DLGAP2: variants seen among roughly 807,000 people sequenced by gnomAD.
DLGAP2 encodes disks large-associated protein 2.
A neutral mutation model predicts 100.3 loss-of-function variants in DLGAP2; 26 were observed. The ratio of observed to expected loss-of-function variants is 0.26; its 90% CI spans 0.19 to 0.36. DLGAP2 has a LOEUF of 0.36. Among genes scored for constraint, DLGAP2 ranks in the 10% least tolerant of loss-of-function variants. The probability of loss-of-function intolerance (pLI) is 1.00; values close to 1 mark genes in which losing one functional copy is unlikely to be tolerated. For synonymous variants in DLGAP2, 886 were observed against 630.1 expected (o/e 1.41, Z -6.08); for missense variants, 1,858 against 1,453.2 (o/e 1.28, Z -4.53).
intron 2 of DLGAP2, among the ~76,000 whole-genome samples, chr8:968,518 G>A (rs150173206): frequency 4.5e-4 from 69 of 152,282 alleles, no homozygotes; most frequent in African/African-American, 1.5e-3. Flanking sequence ...ACTAGAAGAC[G>A]GGGCTCCCTG....
intron 3 of DLGAP2, among the ~76,000 whole-genome samples, chr8:1,430,027 T>TATATAC (rs1282725274): frequency 3.0e-4 from 23 of 76,884 alleles, no homozygotes; most frequent in African/African-American, 6.0e-4. Flanking sequence ...TATATATATA[T>TATATAC]ACACACACAC....
rs564654871 is a variant in DLGAP2 at position 1,688,130 on chromosome 8, C to G, written c.2705-3405C>G. 104 of 152,272 alleles carry G rather than the reference C, an allele frequency of 6.8e-4. 1 individual carries two copies. Among genetic ancestry groups the G allele is most frequent in the African/African-American group, 2.4e-3 (98 of 41,528 alleles). 9.4% of individuals were successfully genotyped at this position (152,272 alleles called of 1,614,324 possible). ...CTGCTTCTCGACCGACTGCAGCGGC[C>G]CCTCCACTCCCCTCACCCCCAGACT... On this transcript the variant is annotated intron_variant, in intron 12 of 14. Transcript: ENST00000637795.
chr8:1,534,109 C>T (rs1051342821), intron 4 of DLGAP2, among the ~76,000 whole-genome samples: 1 of 151,694 alleles, frequency 6.6e-6, no homozygotes, highest in African/African-American at 2.4e-5. Context: ...TGTGTCAAAG[C>T]AAAAATATAA....
At chr8:1,343,722 G>C (rs1182137913) in intron 3 of DLGAP2, among the ~76,000 whole-genome samples, 3 of 151,928 alleles carry the variant, frequency 2.0e-5, no homozygotes, top group African/African-American at 7.2e-5. Context: ...GGGGGTGTTA[G>C]AGGCTCCGAT....
At chr8:1,145,387 C>G (rs1796588845) in intron 2 of DLGAP2, among the ~76,000 whole-genome samples, 2 of 152,262 alleles carry the variant, frequency 1.3e-5, no homozygotes, top group South Asian at 2.1e-4. Flanking sequence ...TTCCACTCGC[C>G]CAGCGTGGGG....
chr8:1,254,301 C>T (rs549270710), intron 2 of DLGAP2, among the ~76,000 whole-genome samples: 14 of 152,330 alleles, frequency 9.2e-5, no homozygotes, highest in African/African-American at 3.4e-4. Flanking sequence ...CATCATGTGA[C>T]CTCTGATGGG....
At chr8:1,006,914 G>A (rs150293133) in intron 2 of DLGAP2, among the ~76,000 whole-genome samples, 1,104 of 135,984 alleles carry the variant, frequency 8.1e-3, no homozygotes, top group Middle Eastern at 0.019. Context: ...CGTCGGGGGC[G>A]CCCTGCGTCT....
At chr8:1,560,537 C>T (rs58067355) in intron 5 of DLGAP2, among the ~76,000 whole-genome samples, 1,867 of 152,292 alleles carry the variant, frequency 0.012, 33 homozygotes, top group African/African-American at 0.043. Flanking sequence ...CCCTGGGCTG[C>T]ATTGTCTTGG....
At chr8:918,337 A>C (rs1798638391) in intron 2 of DLGAP2, among the ~76,000 whole-genome samples, 1 of 152,138 alleles carries the variant, frequency 6.6e-6, no homozygotes, top group Non-Finnish European at 1.5e-5. Flanking sequence ...GAGTGTTGGT[A>C]ATTTGTTTTT....
intron 2 of DLGAP2, among the ~76,000 whole-genome samples, chr8:1,233,946 C>T (rs1798590337): frequency 6.6e-6 from 1 of 152,066 alleles, no homozygotes; most frequent in Non-Finnish European, 1.5e-5. Flanking sequence ...TTAAGGTGTC[C>T]TAGGACGGGG....
chr8:1,595,058 T>G (rs147980445), intron 6 of DLGAP2, among the ~76,000 whole-genome samples: 99 of 152,172 alleles, frequency 6.5e-4, no homozygotes, highest in African/African-American at 2.2e-3. Context: ...TTTTTCTTTT[T>G]TGAGACAAGA....
intron 2 of DLGAP2, among the ~76,000 whole-genome samples, chr8:1,215,420 G>A (rs1798194738): frequency 6.6e-6 from 1 of 151,890 alleles, no homozygotes; most frequent in Non-Finnish European, 1.5e-5. Context: ...GCATCACCTG[G>A]AGACGTCCAG....
At chr8:855,417 A>G (rs1306355639) in intron 1 of DLGAP2, among the ~76,000 whole-genome samples, 1 of 152,200 alleles carries the variant, frequency 6.6e-6, no homozygotes, top group Non-Finnish European at 1.5e-5. Flanking sequence ...CGCTGAATGA[A>G]TGAATGAGTG....
At chr8:1,011,880 T>C (rs1266319652) in intron 2 of DLGAP2, among the ~76,000 whole-genome samples, 3 of 152,218 alleles carry the variant, frequency 2.0e-5, no homozygotes, top group South Asian at 2.1e-4. Flanking sequence ...GAGTTGTGGA[T>C]GGACGTTTTC....
intron 2 of DLGAP2, among the ~76,000 whole-genome samples, chr8:1,144,770 C>T (rs76106547): frequency 2.7e-5 from 4 of 149,618 alleles, no homozygotes; most frequent in Non-Finnish European, 3.0e-5. Flanking sequence ...AAACCGCAGA[C>T]GGCCTGTACC....
chr8:1,412,043 C>G (rs945113234), intron 3 of DLGAP2, among the ~76,000 whole-genome samples: 1 of 152,244 alleles, frequency 6.6e-6, no homozygotes, highest in African/African-American at 2.4e-5. Context: ...GATGTCCTGC[C>G]ATGGACCCTC....
At chr8:1,037,771 G>T (rs972234589) in intron 2 of DLGAP2, among the ~76,000 whole-genome samples, 2 of 152,170 alleles carry the variant, frequency 1.3e-5, no homozygotes, top group Admixed American at 6.5e-5. Flanking sequence ...CAAGCAGGCT[G>T]GTTCCCTCTG....
chr8:1,447,127 A>G (rs977590623), intron 3 of DLGAP2, among the ~76,000 whole-genome samples: 3 of 152,178 alleles, frequency 2.0e-5, no homozygotes, highest in Admixed American at 6.5e-5. Flanking sequence ...TTCCAGCACT[A>G]GGTTGAATAG....
At chr8:1,672,062 CAT>C (rs2130844695) in intron 10 of DLGAP2, among the ~76,000 whole-genome samples, 2 of 152,248 alleles carry the variant, frequency 1.3e-5, no homozygotes, top group East Asian at 3.9e-4. Context: ...CTTTTGTGTG[CAT>C]GTGTGTGTTT....
Sources: gnomAD v4.1 joint callset for allele counts (sites outside exome capture counted in the v4.1 genomes callset) on GRCh38, gnomAD v4.1.1 for gene constraint, MANE v1.5 for transcripts, NCBI Gene and HGNC (gene_info 2026-07-23, HGNC 2026-07-21) for gene names.